Variants in AHCYL2 observed in about 807,000 individuals in gnomAD.
AHCYL2 encodes S-adenosylhomocysteine hydrolase-like protein 2.
A neutral mutation model predicts 81.4 loss-of-function variants in AHCYL2; 28 were observed. The observed-to-expected ratio is 0.34, with a 90% CI of 0.25 to 0.47. The LOEUF (loss-of-function observed/expected upper bound fraction) is 0.47. AHCYL2 is among the 20% of genes least tolerant of loss of function. The pLI, the probability that AHCYL2 is intolerant of heterozygous loss-of-function variation, is 1.00. For synonymous variants in AHCYL2, 272 were observed against 290.2 expected, an observed-to-expected ratio of 0.94 and a Z score of 0.64; for missense variants, 551 against 785.1, an observed-to-expected ratio of 0.70 and a Z score of 3.56.
At chr7:129,408,945 G>A (rs574119209) in intron 10 of AHCYL2, among the ~76,000 whole-genome samples, 5 of 152,260 alleles carry the variant, frequency 3.3e-5, no homozygotes, top group African/African-American at 1.2e-4. Context: ...GCATGGTGGT[G>A]TATGCCAATA....
intron 1 of AHCYL2, among the ~76,000 whole-genome samples, chr7:129,255,547 A>C (rs1290678917): frequency 6.6e-6 from 1 of 152,216 alleles, no homozygotes; most frequent in Non-Finnish European, 1.5e-5. Context: ...CTGCATAGAC[A>C]CGTCATCTAT....
At chr7:129,397,019 TCAG>T (rs1795777083) in intron 4 of AHCYL2, among the ~76,000 whole-genome samples, 200 bp from the exon 5 acceptor site, 1 of 152,100 alleles carries the variant, frequency 6.6e-6, no homozygotes. Flanking sequence ...AAACATAGAG[TCAG>T]CTGGAGCCTC....
chr7:129,398,325 GT>G (rs530241492), intron 5 of AHCYL2, among the ~76,000 whole-genome samples: 2,282 of 130,664 alleles, frequency 0.017, 53 homozygotes, highest in African/African-American at 0.058. Context: ...TCTTTTTTCT[GT>G]TTTTTTTTTT....
chr7:129,242,001 T>C (rs1794875266), intron 1 of AHCYL2, among the ~76,000 whole-genome samples: 2 of 152,230 alleles, frequency 1.3e-5, no homozygotes, highest in Admixed American at 1.3e-4. Flanking sequence ...TTAGTACTTT[T>C]GCTATATATT....
At chr7:129,321,772 G>GTTTTTGTTTTTTTTTTTT (rs1217148394) in intron 1 of AHCYL2, among the ~76,000 whole-genome samples, 1 of 114,418 alleles carries the variant, frequency 8.7e-6, no homozygotes. Flanking sequence ...TTTGGTCTTG[G>GTTTTTGTTTTTTTTTTTT]TTTTGTTTTT....
chr7:129,266,138 T>C (rs1055253373), intron 1 of AHCYL2, among the ~76,000 whole-genome samples: 3 of 152,232 alleles, frequency 2.0e-5, no homozygotes, highest in African/African-American at 4.8e-5. Flanking sequence ...TTTTCTTTTT[T>C]CTCAGTGCAC....
chr7:129,249,916 A>AGTAATATTCT (rs1795193492), intron 1 of AHCYL2, among the ~76,000 whole-genome samples: 1 of 152,142 alleles, frequency 6.6e-6, no homozygotes, highest in Non-Finnish European at 1.5e-5. Context: ...TTTAAGGCCG[A>AGTAATATTCT]GTAATATTCT....
chr7:129,268,612 A>G (rs150595163), intron 1 of AHCYL2, among the ~76,000 whole-genome samples: 2 of 152,312 alleles, frequency 1.3e-5, no homozygotes, highest in South Asian at 4.1e-4. Context: ...TCGGCCTCCC[A>G]AAGTGTTGGG....
chr7:129,327,262 A>G (rs1296430611), intron 1 of AHCYL2, among the ~76,000 whole-genome samples: 2 of 152,194 alleles, frequency 1.3e-5, no homozygotes, highest in Admixed American at 6.5e-5. Context: ...TCCCCTCTCC[A>G]CCATATGAGG....
In AHCYL2 at chr7:129,409,497, G is replaced by T; in HGVS notation, c.1317G>T (p.Val439=). ...LQACMDGFRL[V]KLNEVIRQVD... ...ACAGTATGGATGGATTTCGACTGGT[G>T]AAATTAAATGAGGTCATCCGACAAG... Residue 439 remains valine (V), a synonymous_variant, in exon 11 of 17, where the codon GTG becomes GTT. Coordinates refer to ENST00000325006, the MANE Select transcript of AHCYL2 (RefSeq NM_015328.4). 1.9e-6 allele frequency: 3 copies of T among 1,613,868 alleles called. No homozygotes were observed. Among genetic ancestry groups the T allele is most frequent in the Middle Eastern group, 1.7e-4 (1 of 6,060 alleles).
At chr7:129,410,134 T>C in intron 11 of AHCYL2, 1 of 1,582,484 alleles carries the variant, frequency 6.3e-7, no homozygotes, top group Non-Finnish European at 8.6e-7. Context: ...GACTTCCAAA[T>C]TGAGATGAAC....
At chr7:129,314,083 G>T (rs755394416) in intron 1 of AHCYL2, among the ~76,000 whole-genome samples, 2 of 152,176 alleles carry the variant, frequency 1.3e-5, no homozygotes, top group Non-Finnish European at 2.9e-5. Flanking sequence ...CTAGTTGTAA[G>T]AGTTTTCAGC....
Position 129,368,069 on chromosome 7 carries a change from C to A in AHCYL2, c.364-11569C>A. ...TTATTGATCTTGGTATCCGCACCTC[C>A]AGTGACGTGTCCTGAAGGGTGGGAG... On this transcript the variant is annotated intron_variant, in intron 1 of 16. Coordinates refer to ENST00000325006, the MANE Select transcript of AHCYL2 (RefSeq NM_015328.4). The surrounding 1 kb of genome is among the most constrained non-coding windows in gnomAD (Gnocchi z 4.4). 1 of 988,600 alleles carries A rather than the reference C, an allele frequency of 1.0e-6. No individual in the cohort carries two copies. The highest frequency in any genetic ancestry group is 1.2e-6 in the Non-Finnish European group (1 of 830,808). The allele number at this position is 988,600 out of a possible 1,614,324, so 61.2% of individuals were successfully genotyped here. A position where few individuals can be genotyped will look rare whatever the true frequency, so the allele number is the denominator to read the frequency against.
At chr7:129,318,833 T>C (rs903720396) in intron 1 of AHCYL2, among the ~76,000 whole-genome samples, 1 of 151,968 alleles carries the variant, frequency 6.6e-6, no homozygotes, top group Non-Finnish European at 1.5e-5. Context: ...CAGGTGGTGG[T>C]TGGTTACATG....
In AHCYL2 at chr7:129,368,164, G is replaced by A. The variant is rs1794194918; in HGVS notation, c.364-11474G>A. The A allele has an allele frequency of 2.7e-6, 3 of 1,100,466 alleles. No homozygotes were observed. Among genetic ancestry groups the A allele is most frequent in the East Asian group, 1.2e-4 (2 of 17,136 alleles). The allele number at this position is 1,100,466 out of a possible 1,614,324, so 68.2% of individuals were successfully genotyped here. ...CTATTGCTGCAGAAAGTCCCCACTG[G>A]GGAGGTGCGGGTAGAGTGTTTGGGT... is the stretch of plus-strand genomic sequence containing the variant. On this transcript the variant is annotated intron_variant, in intron 1 of 16. Transcript: ENST00000325006. The surrounding 1 kb of genome is among the most constrained non-coding windows in gnomAD (Gnocchi z 4.4).
At chr7:129,225,545 G>A (rs1371913342) in intron 1 of AHCYL2, 106 bp downstream of exon 1, 16 of 1,390,988 alleles carry the variant, frequency 1.2e-5, no homozygotes, top group African/African-American at 4.6e-5. Flanking sequence ...TCTGATCGCA[G>A]GACCGGAGAT....
chr7:129,372,736 C>T (rs1373674980), intron 1 of AHCYL2, among the ~76,000 whole-genome samples: 1 of 152,120 alleles, frequency 6.6e-6, no homozygotes, highest in Non-Finnish European at 1.5e-5. Context: ...ATCACTTGAA[C>T]TCTGAGAGGT....
At chr7:129,369,239 T>C (rs879392098) in intron 1 of AHCYL2, among the ~76,000 whole-genome samples, 2 of 152,204 alleles carry the variant, frequency 1.3e-5, no homozygotes, top group Non-Finnish European at 2.9e-5. Context: ...ACCATCCTTA[T>C]GTTTCTAAAT....
At chr7:129,307,809 G>A (rs1797497469) in intron 1 of AHCYL2, among the ~76,000 whole-genome samples, 1 of 151,818 alleles carries the variant, frequency 6.6e-6, no homozygotes, top group African/African-American at 2.4e-5. Flanking sequence ...CCCAAGGGCT[G>A]TTTAGTCAGC....
Sources: allele counts gnomAD v4.1 joint callset (sites outside exome capture counted in the v4.1 genomes callset), GRCh38; gene constraint gnomAD v4.1.1; non-coding constraint Gnocchi (gnomAD v3.1); transcripts MANE v1.5; gene names NCBI Gene and HGNC (gene_info 2026-07-23, HGNC 2026-07-21).